KIAA1210: variants seen among roughly 807,000 people sequenced by gnomAD.
KIAA1210 encodes KIAA1210, also known as acrosomal protein KIAA1210.
Under a neutral mutation model 78.9 loss-of-function variants are expected in KIAA1210, and 48 were observed. The observed-to-expected ratio is 0.61, with a 90% confidence interval of 0.48 to 0.77. The LOEUF is 0.77. KIAA1210 is among the 30% of genes least tolerant of loss of function. The pLI is 0.00. For missense variants in KIAA1210, 1,108 were observed against 1,100.0 expected (o/e 1.01, Z -0.10); for synonymous variants, 406 against 404.5 (o/e 1.00, Z -0.04).
At chrX:119,147,427 C>T (rs1431975606) in intron 2 of KIAA1210, 1 of 1,201,329 alleles carries the variant, frequency 8.3e-7, no homozygotes, top group South Asian at 1.8e-5. Flanking sequence ...AATAGTAATT[C>T]CCTGGTCAGG....
chrX:119,124,731 T>A lies in KIAA1210; in HGVS notation c.-10-1079A>T, dbSNP rs751520818. Among the ~76,000 whole-genome samples the A allele has an allele frequency of 1.6e-3, 173 of 110,846 alleles. 1 individual carries two copies. Among genetic ancestry groups the A allele is most frequent in the African/African-American group, 5.2e-3 (160 of 30,533 alleles). Reference sequence around the variant, plus strand: ...TGGCAAAACCTCATCTCTACAAAAATTTTTTTTAATAGCTGGGCATTGTGG... The same window carrying A: ...TGGCAAAACCTCATCTCTACAAAAAATTTTTTTAATAGCTGGGCATTGTGG... On this transcript the variant is annotated intron_variant, in intron 1 of 11. Transcript: ENST00000691062.
Position 119,088,612 on chromosome X carries a change from A to AG in KIAA1210, c.2089dup (p.Leu697ProfsTer25). The AG allele has an allele frequency of 8.3e-7, 1 of 1,211,669 alleles. No individual in the cohort carries two copies. Among genetic ancestry groups the AG allele is most frequent in the Non-Finnish European group, 1.1e-6 (1 of 895,414 alleles). Reference sequence around the variant, plus strand: ...GGCCTGAGCAGGGTGTCTGAGAGGCAGGTCTTCCTCTGAGCTGCTGCAATC... The same window carrying AG: ...GGCCTGAGCAGGGTGTCTGAGAGGCAGGGTCTTCCTCTGAGCTGCTGCAATC... On this transcript the variant is annotated frameshift_variant, in exon 9 of 12. Coordinates refer to ENST00000691062, the MANE Select transcript of KIAA1210 (RefSeq NM_001394962.1). LOFTEE classifies it high-confidence loss of function.
intron 6 of KIAA1210, among the ~76,000 whole-genome samples, chrX:119,102,607 T>C (rs1927767628): frequency 9.0e-6 from 1 of 111,153 alleles, no homozygotes; most frequent in Non-Finnish European, 1.9e-5. Context: ...TGGGGAATTA[T>C]GGTGTAAGCC....
intron 6 of KIAA1210, among the ~76,000 whole-genome samples, chrX:119,100,609 G>A (rs1927709333): frequency 9.0e-6 from 1 of 111,386 alleles, no homozygotes; most frequent in Admixed American, 9.5e-5. Flanking sequence ...CTTATTACAT[G>A]GATATATTGG....
chrX:119,088,062 C>T lies in KIAA1210; in HGVS notation c.2640G>A (p.Gln880=). The change falls in exon 9 of 12, where the codon CAG becomes CAA. Residue 880 remains glutamine (Q), a synonymous_variant. Coordinates refer to ENST00000691062, the MANE Select transcript of KIAA1210 (RefSeq NM_001394962.1). ...CCAGGAACTTAGGCCTCTCCGAGGG[C>T]TGGGAAAGGCATCTGGGAGGCAGCG... ...VEPLPPRCLS[Q]PSERPKFLDS... The T allele has an allele frequency of 8.3e-7, 1 of 1,211,233 alleles. No individual in the cohort carries two copies.
intron 2 of KIAA1210, among the ~76,000 whole-genome samples, chrX:119,137,162 T>C (rs1232028309): frequency 8.9e-6 from 1 of 112,618 alleles, no homozygotes; most frequent in Non-Finnish European, 1.9e-5. Flanking sequence ...GGATACATCA[T>C]CTCATTTAAT....
rs760032149 is a variant in KIAA1210, at chrX:119,104,976, C to T, written c.648+16G>A. 1.0e-5 allele frequency: 12 copies of T among 1,199,062 alleles called. No homozygotes were observed. In the African/African-American group the frequency reaches 1.9e-4, roughly 19 times the overall value. On this transcript the variant is annotated intron_variant, in intron 6 of 11. Transcript: ENST00000691062. ...ATCTGTGAGGCCCCTCAACCTGTCC[C>T]TTAATATATACTCACCTGAGTCGCT...
chrX:119,131,784 A>G (rs978664143), upstream of KIAA1210, among the ~76,000 whole-genome samples: 5 of 112,174 alleles, frequency 4.5e-5, no homozygotes, highest in Non-Finnish European at 9.4e-5. Flanking sequence ...TCAAGAAACC[A>G]GGGACCTCAG....
In KIAA1210 at chrX:119,087,809, G is replaced by T. The variant is rs745577960; in HGVS notation, c.2893C>A (p.Arg965=). The T allele has an allele frequency of 8.3e-7, 1 of 1,211,504 alleles. No homozygotes were observed. The highest frequency in any genetic ancestry group is 2.2e-5 in the Admixed American group (1 of 46,031). ...KVQQLSSNFE[R]AAIEADISGS... is the part of the protein sequence containing the mutation. The stretch of plus-strand genomic sequence containing the variant: ...GAAATGTCTGCCTCAATAGCAGCCC[G>T]CTCGAAATTTGAGGACAGTTGCTGG... Residue 965 remains arginine (R), a synonymous_variant, in exon 9 of 12, where the codon CGG becomes AGG. Transcript: ENST00000691062.
Position 119,127,754 on chromosome X carries a change from C to T in KIAA1210, c.-38G>A, listed in dbSNP as rs1928687726. Among the ~76,000 whole-genome samples, 1 of 112,145 alleles carries T rather than the reference C, an allele frequency of 8.9e-6. No homozygotes were observed. The highest frequency in any genetic ancestry group is 1.9e-5 in the Non-Finnish European group (1 of 53,278). On this transcript the variant is annotated 5_prime_UTR_variant, in exon 1 of 12. Transcript: ENST00000691062. ...CCTTTATGTCCTCACTTTCTATTCT[C>T]GTGAGCTCTCCAATCAGGCTTCCAA... is the stretch of plus-strand genomic sequence containing the variant.
chrX:119,124,617 G>A (rs1301484734), intron 1 of KIAA1210, among the ~76,000 whole-genome samples: 1 of 112,158 alleles, frequency 8.9e-6, no homozygotes, highest in East Asian at 2.8e-4. Context: ...GCCGGGTACA[G>A]TGGCTCAAGC....
In KIAA1210 at chrX:119,080,669, G is replaced by T. The variant is rs1352731214; in HGVS notation, c.*660C>A. 1 of 112,132 alleles carries T rather than the reference G, an allele frequency of 8.9e-6. No individual in the cohort carries two copies. The highest frequency in any genetic ancestry group is 1.9e-5 in the Non-Finnish European group (1 of 53,275). 9.2% of individuals were successfully genotyped at this position (112,132 alleles called of 1,213,427 possible). On this transcript the variant is annotated 3_prime_UTR_variant, in exon 12 of 12. Transcript: ENST00000691062. Reference sequence around the variant, plus strand: ...TGCTTTCTCCCTTCTAAAGCACATTGTCCAAAGTTAAAGATTTTGCAATTT... The same window carrying T: ...TGCTTTCTCCCTTCTAAAGCACATTTTCCAAAGTTAAAGATTTTGCAATTT...
chrX:119,127,335 G>A (rs913373876), intron 1 of KIAA1210, among the ~76,000 whole-genome samples: 11 of 107,434 alleles, frequency 1.0e-4, no homozygotes, highest in Non-Finnish European at 9.6e-5. Context: ...AAGATAGAAA[G>A]GGAAAAAAAA....
At position 119,087,629 on chromosome X, in the gene KIAA1210, C is replaced by T; in HGVS notation, c.3073G>A (p.Ala1025Thr). 1 of 1,210,940 alleles carries T rather than the reference C, an allele frequency of 8.3e-7. No individual in the cohort carries two copies. The highest frequency in any genetic ancestry group is 1.1e-6 in the Non-Finnish European group (1 of 895,153). Reference sequence around the variant, plus strand: ...GAGCTCTCTGAAAAGATTTGCTGTGCCATAAATTTCACGAATGACTGGGTC... The same window carrying T: ...GAGCTCTCTGAAAAGATTTGCTGTGTCATAAATTTCACGAATGACTGGGTC... ...RPTQSFVKFM[A>T]QQIFSESSAL... The change falls in exon 9 of 12, where the codon GCA becomes ACA. Residue 1025 changes from alanine to threonine, a missense_variant. Ala to Thr is a moderately conservative substitution (Grantham distance 58). Around this residue, in one of 5 missense-constraint regions of KIAA1210, gnomAD observed 179 missense variants for 174.1 expected, o/e 1.03. Coordinates refer to ENST00000691062, the MANE Select transcript of KIAA1210 (RefSeq NM_001394962.1).
At chrX:119,134,144 C>A (rs1006077602) in intron 2 of KIAA1210, among the ~76,000 whole-genome samples, 1 of 111,683 alleles carries the variant, frequency 9.0e-6, no homozygotes, top group Non-Finnish European at 1.9e-5. Context: ...ACACCCTTCC[C>A]AGTCTCTGGT....
chrX:119,130,634 T>A (rs1928767214), upstream of KIAA1210, among the ~76,000 whole-genome samples: 1 of 112,509 alleles, frequency 8.9e-6, no homozygotes, highest in Non-Finnish European at 1.9e-5. Context: ...TGGTCTTTTT[T>A]AAACATATGG....
chrX:119,120,493 T>C (rs1199435920), intron 2 of KIAA1210, among the ~76,000 whole-genome samples: 1 of 112,127 alleles, frequency 8.9e-6, no homozygotes, highest in East Asian at 2.8e-4. Context: ...AAAACATGTC[T>C]AATAAACTAT....
chrX:119,103,856 A>G (rs1382655185), intron 6 of KIAA1210, among the ~76,000 whole-genome samples: 1 of 112,315 alleles, frequency 8.9e-6, no homozygotes, highest in Non-Finnish European at 1.9e-5. Flanking sequence ...CAAAAGCCAC[A>G]TATTGTATGA....
At chrX:119,150,624 G>A (rs768827558), upstream of KIAA1210, 1 of 1,153,381 alleles carries the variant, frequency 8.7e-7, no homozygotes, top group Non-Finnish European at 1.2e-6. Flanking sequence ...CCGACCTGCC[G>A]AGTCCCAGAA....
Sources: allele counts gnomAD v4.1 joint callset (sites outside exome capture counted in the v4.1 genomes callset), GRCh38; gene constraint gnomAD v4.1.1; regional missense constraint gnomAD v4.1.1; transcripts MANE v1.5; gene names NCBI Gene and HGNC (gene_info 2026-07-23, HGNC 2026-07-21).